ZMIZ1: variants seen among roughly 807,000 people sequenced by gnomAD.
The protein encoded by ZMIZ1 is zinc finger MIZ domain-containing protein 1.
In ZMIZ1, 17 loss-of-function variants were observed where a neutral mutation model predicts 113.9. The ratio of observed to expected loss-of-function variants is 0.15; its 90% CI spans 0.10 to 0.22. The LOEUF is 0.22. Among genes scored for constraint, ZMIZ1 ranks in the 10% least tolerant of loss-of-function variants. The pLI is 1.00. For missense variants in ZMIZ1, 1,059 were observed against 1,477.8 expected, an observed-to-expected ratio of 0.72 and a Z score of 4.65; for synonymous variants, 607 against 603.1, an observed-to-expected ratio of 1.01 and a Z score of -0.09.
chr10:79,177,010 C>G (rs1465752192), intron 4 of ZMIZ1, among the ~76,000 whole-genome samples: 1 of 152,242 alleles, frequency 6.6e-6, no homozygotes, highest in East Asian at 1.9e-4. Flanking sequence ...AGGGATCCCA[C>G]AAGAGGCCCC....
intron 1 of ZMIZ1, among the ~76,000 whole-genome samples, chr10:79,093,187 A>C (rs1670921895): frequency 7.2e-6 from 1 of 137,946 alleles, no homozygotes; most frequent in African/African-American, 2.7e-5. Context: ...TATTCAGGGG[A>C]TGCTTTAGGT....
chr10:79,198,175 C>T (rs1047173264), intron 4 of ZMIZ1, among the ~76,000 whole-genome samples: 12 of 152,094 alleles, frequency 7.9e-5, no homozygotes, highest in South Asian at 2.1e-4. Context: ...AGGAGAATGG[C>T]GTGAACCCGG....
At chr10:79,127,358 T>C (rs114473647) in intron 2 of ZMIZ1, among the ~76,000 whole-genome samples, 2,540 of 152,284 alleles carry the variant, frequency 0.017, 71 homozygotes, top group African/African-American at 0.058. Context: ...ATGGGCTCCT[T>C]GGACTACAAG....
At chr10:79,200,235 A>T (rs1187415376) in intron 4 of ZMIZ1, among the ~76,000 whole-genome samples, 1 of 152,176 alleles carries the variant, frequency 6.6e-6, no homozygotes, top group African/African-American at 2.4e-5. Context: ...CTGCAGCCTG[A>T]ACTGTCCACT....
intron 2 of ZMIZ1, among the ~76,000 whole-genome samples, chr10:79,131,484 T>G (rs1844767852): frequency 6.6e-6 from 1 of 152,168 alleles, no homozygotes; most frequent in Non-Finnish European, 1.5e-5. Context: ...TTAAATTGTG[T>G]TATTATATTT....
chr10:79,299,736 T>C (rs951579269), intron 16 of ZMIZ1, among the ~76,000 whole-genome samples: 10 of 152,192 alleles, frequency 6.6e-5, no homozygotes, highest in Admixed American at 3.3e-4. Context: ...CCCACTTTGA[T>C]CTTGGAAATG....
chr10:79,306,929 A>G (rs1186887565), intron 22 of ZMIZ1, among the ~76,000 whole-genome samples: 1 of 152,210 alleles, frequency 6.6e-6, no homozygotes, highest in Non-Finnish European at 1.5e-5. Flanking sequence ...GACCCTTGCC[A>G]TCGCCACATG....
intron 2 of ZMIZ1, among the ~76,000 whole-genome samples, chr10:79,135,033 G>A (rs1332585375): frequency 6.6e-6 from 1 of 152,154 alleles, no homozygotes; most frequent in Non-Finnish European, 1.5e-5. Context: ...GGTCAGGCTG[G>A]TCTCGAACTC....
intron 4 of ZMIZ1, among the ~76,000 whole-genome samples, chr10:79,168,078 C>G (rs1846431871): frequency 6.6e-6 from 1 of 152,222 alleles, no homozygotes; most frequent in African/African-American, 2.4e-5. Context: ...CTCCAGAGCC[C>G]TCTACCCTCT....
intron 4 of ZMIZ1, among the ~76,000 whole-genome samples, chr10:79,164,049 A>C (rs899088275): frequency 7.9e-5 from 12 of 152,104 alleles, no homozygotes; most frequent in Non-Finnish European, 1.2e-4. Context: ...AAAATGAGGA[A>C]GAGAAAGCCT....
intron 3 of ZMIZ1, among the ~76,000 whole-genome samples, chr10:79,147,011 C>T (rs1198262958): frequency 6.6e-6 from 1 of 152,002 alleles, no homozygotes; most frequent in African/African-American, 2.4e-5. Flanking sequence ...TTAGCCATCA[C>T]GTGGCTGGTT....
chr10:79,304,735 A>G (rs1364371605), intron 19 of ZMIZ1, among the ~76,000 whole-genome samples: 1 of 152,214 alleles, frequency 6.6e-6, no homozygotes, highest in Non-Finnish European at 1.5e-5. Flanking sequence ...CTCCCTCCCA[A>G]AGAATGCTGT....
chr10:79,094,660 G>A (rs139405973), intron 1 of ZMIZ1, among the ~76,000 whole-genome samples: 91 of 152,266 alleles, frequency 6.0e-4, no homozygotes, highest in African/African-American at 2.0e-3. Flanking sequence ...AAAGCAATGG[G>A]GCTAGGCCAG....
chr10:79,137,736 A>C (rs1179894028), intron 2 of ZMIZ1, among the ~76,000 whole-genome samples: 4 of 151,294 alleles, frequency 2.6e-5, no homozygotes, highest in Non-Finnish European at 4.4e-5. Flanking sequence ...GCTGTACTAG[A>C]CCCATCTCTC....
At chr10:79,253,892 A>G (rs1850710821) in intron 7 of ZMIZ1, among the ~76,000 whole-genome samples, 1 of 152,096 alleles carries the variant, frequency 6.6e-6, no homozygotes, top group Non-Finnish European at 1.5e-5. Context: ...ACACACACAC[A>G]TGCTGACACG....
At chr10:79,290,268 A>G (rs1386823072) in intron 9 of ZMIZ1, among the ~76,000 whole-genome samples, 1 of 152,116 alleles carries the variant, frequency 6.6e-6, no homozygotes, top group Non-Finnish European at 1.5e-5. Context: ...TCATCAAAAT[A>G]TTGTGCCTTG....
intron 4 of ZMIZ1, among the ~76,000 whole-genome samples, chr10:79,199,755 C>A (rs534120538): frequency 7.9e-5 from 12 of 152,098 alleles, no homozygotes; most frequent in Non-Finnish European, 1.5e-5. Flanking sequence ...ACCCAGGACT[C>A]GATATCTTTG....
chr10:79,180,911 C>G (rs988939402), intron 4 of ZMIZ1, among the ~76,000 whole-genome samples: 4 of 152,378 alleles, frequency 2.6e-5, no homozygotes, highest in African/African-American at 9.6e-5. Context: ...CCAGCTTCTG[C>G]TCCAGCTAGA....
intron 24 of ZMIZ1, 87 bp downstream of exon 24, chr10:79,311,271 A>G: frequency 3.8e-6 from 2 of 531,578 alleles, no homozygotes; most frequent in Non-Finnish European, 5.3e-6. Flanking sequence ...TGAGGGCTCG[A>G]GGCCCCGAAG....
Sources: gnomAD v4.1 joint callset for allele counts (sites outside exome capture counted in the v4.1 genomes callset) on GRCh38, gnomAD v4.1.1 for gene constraint, MANE v1.5 for transcripts, NCBI Gene and HGNC (gene_info 2026-07-23, HGNC 2026-07-21) for gene names.